The following FAS variants were observed in gnomAD, a reference collection of about 807,000 sequenced individuals.
FAS encodes the protein Fas cell surface death receptor, also known as tumor necrosis factor receptor superfamily member 6.
Under a neutral mutation model 33.2 loss-of-function variants are expected in FAS, and 5 were observed. That is an observed-to-expected ratio of 0.15 (90% CI 0.08 to 0.32). FAS has a LOEUF of 0.32. Ranked by LOEUF, FAS falls within the 10% of genes least tolerant of loss-of-function variation. The probability of loss-of-function intolerance (pLI) is 1.00; values close to 1 mark genes in which losing one functional copy is unlikely to be tolerated. For synonymous variants in FAS, 131 were observed against 130.7 expected (o/e 1.00, Z -0.01); for missense variants, 339 against 386.0 (o/e 0.88, Z 1.02).
intron 2 of FAS, among the ~76,000 whole-genome samples, chr10:89,006,065 T>C (rs1848209761): frequency 6.6e-6 from 1 of 152,238 alleles, no homozygotes. Flanking sequence ...TATTTTCTTA[T>C]TTTAATAAAT....
chr10:88,986,197 T>C (rs1846876489), upstream of FAS, among the ~76,000 whole-genome samples: 2 of 152,230 alleles, frequency 1.3e-5, no homozygotes, highest in African/African-American at 4.8e-5. Context: ...AAATTTTATC[T>C]GCCCCCAAAT....
chr10:88,990,950 C>G lies in FAS; in HGVS notation c.30+44C>G, dbSNP rs1190761605. On this transcript the variant is annotated intron_variant, in intron 1 of 8. Coordinates refer to ENST00000652046, the MANE Select transcript of FAS (RefSeq NM_000043.6). The surrounding 1 kb of genome is among the most constrained non-coding windows in gnomAD (Gnocchi z 4.9). ...GGGTGGAGGCTTACCCCGTCTTAGT[C>G]CCGGGGATAGGCAAAGTGGGGCGGG... 4 of 1,613,804 alleles carry G rather than the reference C, an allele frequency of 2.5e-6. No homozygotes were observed. In the East Asian group the frequency reaches 8.9e-5, roughly 36 times the overall value.
chr10:88,969,353 A>C (rs902837272), intron 1 of FAS, among the ~76,000 whole-genome samples: 2 of 152,208 alleles, frequency 1.3e-5, no homozygotes. Flanking sequence ...GCTATGCCTT[A>C]GGGCATCAGC....
chr10:88,976,291 A>T (rs1846562101), intron 2 of FAS, among the ~76,000 whole-genome samples: 2 of 152,232 alleles, frequency 1.3e-5, no homozygotes, highest in East Asian at 1.9e-4. Flanking sequence ...CCTGGGCTGC[A>T]TGTGGCCCAC....
At chr10:88,996,164 C>T (rs377195717) in intron 1 of FAS, among the ~76,000 whole-genome samples, 5 of 151,186 alleles carry the variant, frequency 3.3e-5, no homozygotes, top group African/African-American at 7.3e-5. Context: ...AAAAAGAGAG[C>T]GAGAGGAAGT....
At position 89,014,578 on chromosome 10, in the gene FAS, C is replaced by A; in HGVS notation, c.*128C>A. 1 of 895,672 alleles carries A rather than the reference C, an allele frequency of 1.1e-6. No homozygotes were observed. The highest frequency in any genetic ancestry group is 1.4e-5 in the South Asian group (1 of 70,752). The allele number at this position is 895,672 out of a possible 1,614,324, so 55.5% of individuals were successfully genotyped here. On this transcript the variant is annotated 3_prime_UTR_variant, in exon 9 of 9. Coordinates refer to ENST00000652046, the MANE Select transcript of FAS (RefSeq NM_000043.6). ...TTATCATTTATTAGCGCTGAAGAGCCAACATATTTGTAGATTTTTAATATC... is the reference window on the plus strand; with the variant it reads ...TTATCATTTATTAGCGCTGAAGAGCAAACATATTTGTAGATTTTTAATATC...
chr10:89,006,254 T>C (rs1848223675), intron 2 of FAS, among the ~76,000 whole-genome samples: 1 of 152,230 alleles, frequency 6.6e-6, no homozygotes, highest in Non-Finnish European at 1.5e-5. Flanking sequence ...GGTTCTGTTT[T>C]CTTTAAATAT....
intron 6 of FAS, 26 bp from the exon 7 acceptor site, chr10:89,011,973 T>C: frequency 1.3e-5 from 20 of 1,596,982 alleles, no homozygotes; most frequent in Non-Finnish European, 1.7e-5. Flanking sequence ...GAGACCTGAG[T>C]TGATAAAATT....
At position 88,973,035 on chromosome 10, in the gene FAS, AGTT is replaced by A. The variant is rs1213941237; in HGVS notation, n.95-143_95-141del. The A allele has an allele frequency of 2.9e-5, 26 of 889,848 alleles. No individual in the cohort carries two copies. The African/African-American group carries it at 3.6e-4, about 12-fold the overall frequency. The allele number at this position is 889,848 out of a possible 1,614,324, so 55.1% of individuals were successfully genotyped here. A position where few individuals can be genotyped will look rare whatever the true frequency, so the allele number is the denominator to read the frequency against. On this transcript the variant is annotated intron_variant and non_coding_transcript_variant, in intron 1 of 3. Coordinates refer to the FAS transcript ENST00000688239. ...AAAATTGAAACCATTTAGAGTTTGT[AGTT>A]GTTTTATTTTAAAAGCTAACCTTGT...
At chr10:89,000,054 C>T (rs750665269) in intron 1 of FAS, among the ~76,000 whole-genome samples, 1 of 152,140 alleles carries the variant, frequency 6.6e-6, no homozygotes, top group Non-Finnish European at 1.5e-5. Flanking sequence ...ATTTTCTTTA[C>T]CATCAAACAA....
At chr10:88,966,051 G>T (rs1455877520) in intron 1 of FAS, among the ~76,000 whole-genome samples, 2 of 152,118 alleles carry the variant, frequency 1.3e-5, no homozygotes, top group East Asian at 3.9e-4. Context: ...AAGTAATCAC[G>T]GTTTTTGCCA....
At chr10:88,985,421 T>C (rs1846847692), upstream of FAS, among the ~76,000 whole-genome samples, 2 of 152,348 alleles carry the variant, frequency 1.3e-5, no homozygotes, top group African/African-American at 2.4e-5. Flanking sequence ...ACCACTATTG[T>C]ATTAGTCGAC....
intron 7 of FAS, 142 bp downstream of exon 7, chr10:89,012,223 G>A: frequency 1.4e-6 from 1 of 725,992 alleles, no homozygotes; most frequent in Admixed American, 2.1e-5. Flanking sequence ...CATAGCCCAG[G>A]CTGGAGTGCA....
At chr10:88,981,067 C>T (rs950842284) in intron 2 of FAS, among the ~76,000 whole-genome samples, 1 of 152,098 alleles carries the variant, frequency 6.6e-6, no homozygotes, top group African/African-American at 2.4e-5. Context: ...ATGGGGAGGC[C>T]AACTGCGAGG....
In FAS at chr10:88,997,271, A is replaced by C. The variant is rs569098387; in HGVS notation, c.31-5758A>C. Reference sequence around the variant, plus strand: ...CTTAGCACTTTTTATTAAATAATGCATCACTACAGGATTCTGATGTCTGTC... The same window carrying C: ...CTTAGCACTTTTTATTAAATAATGCCTCACTACAGGATTCTGATGTCTGTC... On this transcript the variant is annotated intron_variant, in intron 1 of 8. Transcript: ENST00000652046. Among the ~76,000 whole-genome samples the C allele has an allele frequency of 1.3e-5, 2 of 152,324 alleles. 1 individual carries two copies. Among genetic ancestry groups the C allele is most frequent in the South Asian group, 4.1e-4 (2 of 4,832 alleles).
intron 6 of FAS, among the ~76,000 whole-genome samples, chr10:89,011,523 A>C (rs528403632): frequency 6.6e-6 from 1 of 152,388 alleles, no homozygotes; most frequent in South Asian, 2.1e-4. Context: ...ATATTTAAGC[A>C]CTGTAATTGT....
At chr10:88,965,448 C>T (rs903682000) in intron 1 of FAS, among the ~76,000 whole-genome samples, 1 of 152,160 alleles carries the variant, frequency 6.6e-6, no homozygotes, top group African/African-American at 2.4e-5. Context: ...AAGGGACATT[C>T]TCTGGCTGTA....
chr10:88,973,210 C>T, exon 2 of FAS: 1 of 1,612,442 alleles, frequency 6.2e-7, no homozygotes, highest in African/African-American at 1.3e-5. Context: ...GGGATAATTT[C>T]TGGCACTGCT....
rs1193315380 is a variant in FAS at position 89,015,118 on chromosome 10, T to C, written c.*668T>C. ...TTTGACTATTATATATGTGTATGCA[T>C]TTTACTGGCTCAAAACTACCTACTT... On this transcript the variant is annotated 3_prime_UTR_variant, in exon 9 of 9. Coordinates refer to ENST00000652046, the MANE Select transcript of FAS (RefSeq NM_000043.6). 1.9e-6 allele frequency: 1 copy of C among 534,838 alleles called. No homozygotes were observed. The highest frequency in any genetic ancestry group is 2.2e-5 in the Admixed American group (1 of 45,076). The allele number at this position is 534,838 out of a possible 1,614,324, so 33.1% of individuals were successfully genotyped here. A position where few individuals can be genotyped will look rare whatever the true frequency, so the allele number is the denominator to read the frequency against.
Sources: gnomAD v4.1 joint callset for allele counts (sites outside exome capture counted in the v4.1 genomes callset) on GRCh38, gnomAD v4.1.1 for gene constraint, Gnocchi (gnomAD v3.1) non-coding constraint, MANE v1.5 for transcripts, NCBI Gene and HGNC (gene_info 2026-07-23, HGNC 2026-07-21) for gene names.